The following OSBPL1A variants were observed in gnomAD, a reference collection of about 807,000 sequenced individuals.
OSBPL1A encodes the protein oxysterol-binding protein-related protein 1.
A neutral mutation model predicts 137.1 loss-of-function variants in OSBPL1A; 80 were observed. The observed-to-expected ratio is 0.58, with a 90% CI of 0.49 to 0.70. The LOEUF is 0.70. Among genes scored for constraint, OSBPL1A ranks in the 30% least tolerant of loss-of-function variants. OSBPL1A has a pLI of 0.00. For missense variants in OSBPL1A, 970 were observed against 1,129.4 expected, an observed-to-expected ratio of 0.86 and a Z score of 2.02; for synonymous variants, 365 against 389.7, an observed-to-expected ratio of 0.94 and a Z score of 0.75.
chr18:24,391,984 T>C (rs910241192), intron 1 of OSBPL1A, among the ~76,000 whole-genome samples: 1 of 151,894 alleles, frequency 6.6e-6, no homozygotes, highest in Non-Finnish European at 1.5e-5. Context: ...GCCTCCCAAG[T>C]AGCTGGGACT....
chr18:24,163,418 T>A, intron 27 of OSBPL1A, 137 bp from the exon 28 acceptor site: 1 of 587,244 alleles, frequency 1.7e-6, no homozygotes. Flanking sequence ...GATGCTGAAG[T>A]GATGCTGTAT....
chr18:24,373,402 CAT>C (rs945505482), intron 2 of OSBPL1A, among the ~76,000 whole-genome samples: 1 of 152,182 alleles, frequency 6.6e-6, no homozygotes, highest in African/African-American at 2.4e-5. Flanking sequence ...GAACATCACT[CAT>C]AGAATTTACA....
At chr18:24,331,294 G>A (rs977166483) in intron 7 of OSBPL1A, among the ~76,000 whole-genome samples, 30 of 152,134 alleles carry the variant, frequency 2.0e-4, no homozygotes, top group African/African-American at 6.8e-4. Flanking sequence ...GGAGGTGAAC[G>A]CAGGGTCCTG....
intron 15 of OSBPL1A, among the ~76,000 whole-genome samples, chr18:24,262,839 G>GT (rs1362710575): frequency 6.7e-6 from 1 of 149,618 alleles, no homozygotes; most frequent in Non-Finnish European, 1.5e-5. Context: ...CATGGTTTAG[G>GT]TTTGTCTGTT....
intron 1 of OSBPL1A, among the ~76,000 whole-genome samples, chr18:24,397,317 G>T (rs1398839568): frequency 6.6e-6 from 1 of 152,268 alleles, no homozygotes; most frequent in Non-Finnish European, 1.5e-5. Context: ...ACACACGAAA[G>T]TACCGAGAAG....
At chr18:24,249,343 A>G (rs1264333609) in intron 15 of OSBPL1A, among the ~76,000 whole-genome samples, 1 of 152,244 alleles carries the variant, frequency 6.6e-6, no homozygotes, top group African/African-American at 2.4e-5. Context: ...ATTAAAAAAC[A>G]ATGTTGGCAG....
At chr18:24,234,882 A>C (rs1276871277) in intron 16 of OSBPL1A, among the ~76,000 whole-genome samples, 1 of 152,172 alleles carries the variant, frequency 6.6e-6, no homozygotes, top group East Asian at 1.9e-4. Flanking sequence ...ATTAAGCTTC[A>C]AATGAAGTGG....
At position 24,163,055 on chromosome 18, in the gene OSBPL1A, TATCTC is replaced by T. The variant is rs1167499949; in HGVS notation, c.*119_*123del. On this transcript the variant is annotated 3_prime_UTR_variant, in exon 28 of 28. Coordinates refer to ENST00000319481, the MANE Select transcript of OSBPL1A (RefSeq NM_080597.4). The stretch of plus-strand genomic sequence containing the variant: ...CTGCTTTTGTTGGGTGAAATGCAGT[TATCTC>T]ATGAGTGTTTTTTCATTTTTTTTTT... The T allele has an allele frequency of 2.1e-5, 14 of 667,322 alleles. No homozygotes were observed. In the East Asian group the frequency reaches 2.6e-4, roughly 13 times the overall value. The allele number at this position is 667,322 out of a possible 1,614,324, so 41.3% of individuals were successfully genotyped here. A position where few individuals can be genotyped will look rare whatever the true frequency, so the allele number is the denominator to read the frequency against.
intron 15 of OSBPL1A, among the ~76,000 whole-genome samples, chr18:24,250,407 C>A: frequency 6.6e-6 from 1 of 152,154 alleles, no homozygotes; most frequent in East Asian, 1.9e-4. Flanking sequence ...AACTCCTGAC[C>A]TCATGTGATC....
rs34959715 is a variant in OSBPL1A, at chr18:24,350,451, CT to C, written c.283-8794del. 3.2e-3 allele frequency among the ~76,000 whole-genome samples: 494 copies of C among 152,102 alleles called. 3 individuals carry two copies. The highest frequency in any genetic ancestry group is 0.019 in the East Asian group (96 of 5,188). On this transcript the variant is annotated intron_variant, in intron 4 of 27. Coordinates refer to ENST00000319481, the MANE Select transcript of OSBPL1A (RefSeq NM_080597.4). ...TCACTGTATTAGGTTATCTGTCATTCTTTTTTTAGGGGTGGGGGTAGGTAGA... is the reference window on the plus strand; with the variant it reads ...TCACTGTATTAGGTTATCTGTCATTCTTTTTTAGGGGTGGGGGTAGGTAGA...
At chr18:24,318,481 A>G (rs1281427637) in intron 9 of OSBPL1A, 120 bp downstream of exon 9, 1 of 853,894 alleles carries the variant, frequency 1.2e-6, no homozygotes, top group East Asian at 2.6e-5. Flanking sequence ...ACATTATACG[A>G]TCCAAGAGCG....
intron 15 of OSBPL1A, among the ~76,000 whole-genome samples, chr18:24,260,541 A>G (rs1300687083): frequency 6.6e-6 from 1 of 152,232 alleles, no homozygotes; most frequent in African/African-American, 2.4e-5. Context: ...GGAGAAAGCC[A>G]GACACAGAAG....
In OSBPL1A at chr18:24,353,764, C is replaced by T. The variant is rs1450553787; in HGVS notation, c.283-12106G>A. On this transcript the variant is annotated intron_variant, in intron 4 of 27. Coordinates refer to ENST00000319481, the MANE Select transcript of OSBPL1A (RefSeq NM_080597.4). ...TAAAAAATGATGAGTTCATGTCCTT[C>T]GTAGGGACATGGATGAAGCTGGAAA... Among the ~76,000 whole-genome samples, 6 of 151,816 alleles carry T rather than the reference C, an allele frequency of 4.0e-5. No individual in the cohort carries two copies. In the East Asian group the frequency reaches 5.8e-4, roughly 15 times the overall value.
Position 24,330,549 on chromosome 18 carries a change from A to G in OSBPL1A, c.625+2393T>C, listed in dbSNP as rs187866848. ...GCCCAGGCTGGAGTGCAGTGGCACAATCTCGGCTCACTGCAACCTCTGCCT... is the reference window on the plus strand; with the variant it reads ...GCCCAGGCTGGAGTGCAGTGGCACAGTCTCGGCTCACTGCAACCTCTGCCT... On this transcript the variant is annotated intron_variant, in intron 7 of 27. Coordinates refer to ENST00000319481, the MANE Select transcript of OSBPL1A (RefSeq NM_080597.4). 1.2e-3 allele frequency among the ~76,000 whole-genome samples: 176 copies of G among 151,846 alleles called. 1 individual carries two copies. Among genetic ancestry groups the G allele is most frequent in the East Asian group, 9.9e-3 (51 of 5,146 alleles).
At chr18:24,339,264 G>A (rs945538340) in intron 5 of OSBPL1A, among the ~76,000 whole-genome samples, 2 of 152,124 alleles carry the variant, frequency 1.3e-5, no homozygotes, top group Non-Finnish European at 2.9e-5. Flanking sequence ...GAGCCACTGC[G>A]CCCAGCCCCT....
intron 1 of OSBPL1A, among the ~76,000 whole-genome samples, 199 bp from the exon 2 acceptor site, chr18:24,377,734 G>A (rs1404794804): frequency 6.6e-6 from 1 of 152,164 alleles, no homozygotes; most frequent in Non-Finnish European, 1.5e-5. Context: ...AGCAGTACAG[G>A]AGACACTTGG....
intron 7 of OSBPL1A, among the ~76,000 whole-genome samples, chr18:24,323,431 G>A (rs2090906385): frequency 3.2e-5 from 1 of 31,340 alleles, no homozygotes; most frequent in Non-Finnish European, 7.5e-5. Flanking sequence ...TCACCATCTT[G>A]GCCAGGCTGG....
At position 24,165,209 on chromosome 18, in the gene OSBPL1A, G is replaced by A. The variant is rs1264786523; in HGVS notation, c.2660-54C>T. ...TAACACTCTACACAGAGGATGCCAGGCACAGTATTAAGCACAAGAACTTCA... is the reference window on the plus strand; with the variant it reads ...TAACACTCTACACAGAGGATGCCAGACACAGTATTAAGCACAAGAACTTCA... On this transcript the variant is annotated intron_variant, in intron 26 of 27. Coordinates refer to ENST00000319481, the MANE Select transcript of OSBPL1A (RefSeq NM_080597.4). 34 of 1,491,014 alleles carry A rather than the reference G, an allele frequency of 2.3e-5. No individual in the cohort carries two copies. In the Admixed American group the frequency reaches 4.7e-4, roughly 21 times the overall value. 92.4% of individuals were successfully genotyped at this position (1,491,014 alleles called of 1,614,324 possible).
chr18:24,354,147 C>A (rs1452948286), intron 4 of OSBPL1A, among the ~76,000 whole-genome samples: 2 of 151,796 alleles, frequency 1.3e-5, no homozygotes, highest in African/African-American at 4.8e-5. Flanking sequence ...AAAAAAAACT[C>A]AAGTTAAAAC....
Sources: allele counts gnomAD v4.1 joint callset (sites outside exome capture counted in the v4.1 genomes callset), GRCh38; gene constraint gnomAD v4.1.1; transcripts MANE v1.5; gene names NCBI Gene and HGNC (gene_info 2026-07-23, HGNC 2026-07-21).